The following TSPAN5 variants were observed in gnomAD, a reference collection of about 807,000 sequenced individuals.
TSPAN5 encodes tetraspanin-5.
In TSPAN5, 10 loss-of-function variants were observed where a neutral mutation model predicts 37.1. The ratio of observed to expected loss-of-function variants is 0.27; its 90% CI spans 0.17 to 0.46. The LOEUF is 0.46. TSPAN5 is among the 20% of genes least tolerant of loss of function. The pLI, the probability that TSPAN5 is intolerant of heterozygous loss-of-function variation, is 1.00. For synonymous variants in TSPAN5, 110 were observed against 118.9 expected, an observed-to-expected ratio of 0.93 and a Z score of 0.48; for missense variants, 195 against 326.6, an observed-to-expected ratio of 0.60 and a Z score of 3.11.
intron 1 of TSPAN5, among the ~76,000 whole-genome samples, chr4:98,561,446 A>G (rs1754881190): frequency 6.6e-6 from 1 of 152,246 alleles, no homozygotes; most frequent in South Asian, 2.1e-4. Context: ...CCTGGCACAA[A>G]TCCTGGAAAA....
intron 1 of TSPAN5, among the ~76,000 whole-genome samples, chr4:98,524,377 G>A (rs1029277940): frequency 2.6e-5 from 4 of 152,142 alleles, no homozygotes; most frequent in Non-Finnish European, 5.9e-5. Context: ...AAATAAGCTG[G>A]CTGGAAGCCC....
intron 1 of TSPAN5, among the ~76,000 whole-genome samples, chr4:98,572,120 C>T (rs1017741324): frequency 2.6e-5 from 4 of 152,114 alleles, no homozygotes; most frequent in African/African-American, 9.7e-5. Context: ...ATTACCACCA[C>T]ACCTGGCTAA....
intron 1 of TSPAN5, among the ~76,000 whole-genome samples, chr4:98,602,605 C>T (rs1015395678): frequency 2.9e-4 from 44 of 152,218 alleles, no homozygotes; most frequent in African/African-American, 9.6e-4. Flanking sequence ...AGCTACAGAA[C>T]CTGGCCTACC....
intron 1 of TSPAN5, among the ~76,000 whole-genome samples, chr4:98,639,808 T>C (rs1054032724): frequency 6.6e-6 from 1 of 152,196 alleles, no homozygotes. Context: ...GAATGACTAG[T>C]AGATAGGACA....
intron 2 of TSPAN5, 71 bp from the exon 3 acceptor site, chr4:98,486,955 T>C (rs6838913): frequency 0.75 from 1,154,747 of 1,539,612 alleles, 435,019 homozygotes; most frequent in Admixed American, 0.86. Flanking sequence ...TAAAGATTAT[T>C]GCATTTGTCC....
intron 1 of TSPAN5, among the ~76,000 whole-genome samples, chr4:98,630,678 C>T (rs1756725066): frequency 6.6e-6 from 1 of 152,184 alleles, no homozygotes; most frequent in East Asian, 1.9e-4. Flanking sequence ...AGGAGTGCCC[C>T]TGTCCTCAAG....
At chr4:98,530,882 G>C (rs537096826) in intron 1 of TSPAN5, among the ~76,000 whole-genome samples, 16 of 152,008 alleles carry the variant, frequency 1.1e-4, no homozygotes, top group African/African-American at 3.9e-4. Flanking sequence ...GCTGGGACTA[G>C]GGGCATGTGC....
At chr4:98,611,749 G>C (rs1756197836) in intron 1 of TSPAN5, among the ~76,000 whole-genome samples, 1 of 152,246 alleles carries the variant, frequency 6.6e-6, no homozygotes, top group Non-Finnish European at 1.5e-5. Context: ...GTTTGTCCCA[G>C]GCAGGGCTAT....
Position 98,472,264 on chromosome 4 carries a change from A to T in TSPAN5, c.*258T>A. On this transcript the variant is annotated 3_prime_UTR_variant, in exon 8 of 8. Coordinates refer to ENST00000305798, the MANE Select transcript of TSPAN5 (RefSeq NM_005723.4). ...ACCCTCCCTTTTTTTCTTTTTTGGT[A>T]AGCATCTAACTGTCCATAAATTCAT... The T allele has an allele frequency of 8.5e-6, 3 of 353,992 alleles. No homozygotes were observed. Among genetic ancestry groups the T allele is most frequent in the Non-Finnish European group, 1.0e-5 (2 of 198,248 alleles). The allele number at this position is 353,992 out of a possible 1,614,324, so 21.9% of individuals were successfully genotyped here. A position where few individuals can be genotyped will look rare whatever the true frequency, so the allele number is the denominator to read the frequency against.
At chr4:98,508,776 C>T (rs1459160877) in intron 1 of TSPAN5, among the ~76,000 whole-genome samples, 3 of 152,072 alleles carry the variant, frequency 2.0e-5, no homozygotes, top group Non-Finnish European at 4.4e-5. Context: ...CCTCCCGCCT[C>T]GGCCTCTCAA....
intron 1 of TSPAN5, among the ~76,000 whole-genome samples, chr4:98,558,680 G>A (rs1754808308): frequency 6.6e-6 from 1 of 152,102 alleles, no homozygotes. Flanking sequence ...TTCAGTTTCA[G>A]CTTTTTCCAG....
At chr4:98,494,553 G>C (rs62323580) in intron 2 of TSPAN5, among the ~76,000 whole-genome samples, 44,508 of 151,548 alleles carry the variant, frequency 0.29, 6,567 homozygotes, top group East Asian at 0.34. Context: ...AGGTTATTAT[G>C]AGGATGATGG....
chr4:98,592,432 T>G lies in TSPAN5; in HGVS notation c.81+65714A>C, dbSNP rs917608243. On this transcript the variant is annotated intron_variant, in intron 1 of 7. Coordinates refer to ENST00000305798, the MANE Select transcript of TSPAN5 (RefSeq NM_005723.4). ...ACTAAGGGATCTCTGTTTTTTGTTTTTTTTTTTTTTTTTTTTATTATACTC... is the reference window on the plus strand; with the variant it reads ...ACTAAGGGATCTCTGTTTTTTGTTTGTTTTTTTTTTTTTTTTATTATACTC... Among the ~76,000 whole-genome samples, 523 of 144,418 alleles carry G rather than the reference T, an allele frequency of 3.6e-3. 3 individuals carry two copies. The highest frequency in any genetic ancestry group is 6.9e-3 in the Middle Eastern group (2 of 288). The allele number at this position is 144,418 out of a possible 152,430, so 94.7% of individuals were successfully genotyped here.
rs1317581255 is a variant in TSPAN5, at chr4:98,574,234, C to T, written c.82-66506G>A. On this transcript the variant is annotated intron_variant, in intron 1 of 7. Transcript: ENST00000305798. ...AAAGGTTTATGCGCACATCATATTT[C>T]ACCTACTTACTGACCTTGAATTGCA... Among the ~76,000 whole-genome samples, 27 of 152,322 alleles carry T rather than the reference C, an allele frequency of 1.8e-4. 1 individual carries two copies. The highest frequency in any genetic ancestry group is 8.8e-5 in the Non-Finnish European group (6 of 68,030).
intron 1 of TSPAN5, among the ~76,000 whole-genome samples, chr4:98,542,719 TAAA>T (rs11326064): frequency 3.1e-4 from 32 of 101,778 alleles, no homozygotes; most frequent in Admixed American, 3.2e-4. Context: ...CTCATCTCTT[TAAA>T]AAAAAAAAAA....
At position 98,533,752 on chromosome 4, in the gene TSPAN5, A is replaced by G. The variant is rs547512968; in HGVS notation, c.82-26024T>C. ...TTTTTAGTAGAGACAGGGTTTCACC[A>G]TGTTAGCCAGGATGGTCTCGATCGC... On this transcript the variant is annotated intron_variant, in intron 1 of 7. Transcript: ENST00000305798. Among the ~76,000 whole-genome samples, 10 of 148,232 alleles carry G rather than the reference A, an allele frequency of 6.7e-5. No individual in the cohort carries two copies. In the South Asian group the frequency reaches 1.5e-3, roughly 23 times the overall value.
chr4:98,484,260 C>CCT (rs1752911954), intron 3 of TSPAN5: 1 of 363,166 alleles, frequency 2.8e-6, no homozygotes, highest in African/African-American at 2.1e-5. Flanking sequence ...CACCCTAGAG[C>CCT]CTCGGTCAAC....
At chr4:98,541,853 C>T (rs1754367328) in intron 1 of TSPAN5, among the ~76,000 whole-genome samples, 1 of 152,060 alleles carries the variant, frequency 6.6e-6, no homozygotes, top group Admixed American at 6.6e-5. Context: ...ATCTCTACCT[C>T]TAAAAGCCTA....
intron 1 of TSPAN5, among the ~76,000 whole-genome samples, chr4:98,519,179 A>C (rs562472684): frequency 6.6e-6 from 1 of 152,262 alleles, no homozygotes; most frequent in Admixed American, 6.5e-5. Flanking sequence ...AGGAAGCAGC[A>C]GGGTACAAGG....
Sources: allele counts gnomAD v4.1 joint callset (sites outside exome capture counted in the v4.1 genomes callset), GRCh38; gene constraint gnomAD v4.1.1; transcripts MANE v1.5; gene names NCBI Gene and HGNC (gene_info 2026-07-23, HGNC 2026-07-21).